RIC3: variants seen among roughly 807,000 people sequenced by gnomAD.
RIC3 encodes the protein RIC3 acetylcholine receptor chaperone, also known as protein RIC-3.
In RIC3, 28 loss-of-function variants were observed where a neutral mutation model predicts 27.3. The observed-to-expected ratio is 1.02, with a 90% CI of 0.76 to 1.41. RIC3 has a LOEUF of 1.41. Among genes scored for constraint, RIC3 ranks in the 40% most tolerant of loss-of-function variants. The pLI, the probability that RIC3 is intolerant of heterozygous loss-of-function variation, is 0.00. For missense variants in RIC3, 501 were observed against 444.7 expected (o/e 1.13, Z -1.14); for synonymous variants, 184 against 160.4 (o/e 1.15, Z -1.11).
the RIC3 span, among the ~76,000 whole-genome samples, chr11:8,099,519 G>C: frequency 1.3e-5 from 2 of 152,192 alleles, no homozygotes; most frequent in African/African-American, 4.8e-5. Flanking sequence ...TGGGGAGGCA[G>C]CCTGAGTCTT....
chr11:8,143,540 A>C (rs1015417959), intron 1 of RIC3, among the ~76,000 whole-genome samples: 9 of 151,790 alleles, frequency 5.9e-5, no homozygotes, highest in Admixed American at 1.3e-4. Flanking sequence ...GATACAAACA[A>C]ACGGAAGAAC....
chr11:8,139,148 A>C (rs947709468), intron 2 of RIC3: 3 of 152,312 alleles, frequency 2.0e-5, no homozygotes, highest in African/African-American at 7.2e-5. Context: ...AAATCTCCCT[A>C]CAGGTCATCT....
intron 5 of RIC3, among the ~76,000 whole-genome samples, chr11:8,123,930 C>G (rs1946733093): frequency 6.7e-6 from 1 of 149,856 alleles, no homozygotes; most frequent in South Asian, 2.1e-4. Flanking sequence ...AAAAATTAGC[C>G]AGGCATGGTA....
chr11:8,166,535 T>C (rs951706039), intron 1 of RIC3, among the ~76,000 whole-genome samples: 1 of 152,186 alleles, frequency 6.6e-6, no homozygotes, highest in Non-Finnish European at 1.5e-5. Flanking sequence ...GATACTGAAA[T>C]TCTGAGTACA....
chr11:8,154,778 C>A (rs1256984601), intron 1 of RIC3, among the ~76,000 whole-genome samples: 1 of 152,020 alleles, frequency 6.6e-6, no homozygotes, highest in African/African-American at 2.4e-5. Flanking sequence ...TTATTAAAAA[C>A]AGCTAAAGAG....
chr11:8,156,602 T>C (rs1443150884), intron 1 of RIC3, among the ~76,000 whole-genome samples: 2 of 152,220 alleles, frequency 1.3e-5, no homozygotes, highest in African/African-American at 2.4e-5. Context: ...ACCACTCATT[T>C]AGTCAAACTA....
downstream of RIC3, chr11:8,101,838 G>GTT: frequency 2.0e-6 from 1 of 507,036 alleles, no homozygotes; most frequent in Non-Finnish European, 3.0e-6. Context: ...GTGAAGGGAT[G>GTT]AGAATAATTC....
At chr11:8,150,627 T>C (rs922781709) in intron 1 of RIC3, among the ~76,000 whole-genome samples, 1 of 152,146 alleles carries the variant, frequency 6.6e-6, no homozygotes, top group Non-Finnish European at 1.5e-5. Flanking sequence ...GAATATTGTA[T>C]TTATGTGGAA....
intron 2 of RIC3, chr11:8,138,950 T>C (rs10769874): frequency 0.26 from 40,558 of 157,492 alleles, 5,291 homozygotes; most frequent in East Asian, 0.44. Context: ...GACACAGCAG[T>C]AAGGTGGATG....
chr11:8,100,436 T>C, the RIC3 span: 8 of 1,261,918 alleles, frequency 6.3e-6, no homozygotes, highest in African/African-American at 1.0e-4. Flanking sequence ...TTTATTCCCG[T>C]CCCCCCCACC....
chr11:8,159,805 A>C (rs748013699), intron 1 of RIC3, among the ~76,000 whole-genome samples: 1 of 152,154 alleles, frequency 6.6e-6, no homozygotes, highest in Non-Finnish European at 1.5e-5. Flanking sequence ...AGCCTGGCCA[A>C]CATGGTGAAA....
At chr11:8,097,611 G>T in the RIC3 span, 1 of 1,302,844 alleles carries the variant, frequency 7.7e-7, no homozygotes, top group Non-Finnish European at 1.1e-6. Flanking sequence ...ACATATGTGC[G>T]TTTGGGAGCT....
rs891266231 is a variant in RIC3 at position 8,108,690 on chromosome 11, T to G, written c.*2008A>C. 3 of 152,204 alleles carry G rather than the reference T, an allele frequency of 2.0e-5. No individual in the cohort carries two copies. Among genetic ancestry groups the G allele is most frequent in the Admixed American group, 2.0e-4 (3 of 15,280 alleles). 9.4% of individuals were successfully genotyped at this position (152,204 alleles called of 1,614,324 possible). ...CCTGAGCCCTCTTACAGGGTCATAG[T>G]TCATTTTATCTGTCAGGCTCTCTCT... On this transcript the variant is annotated 3_prime_UTR_variant, in exon 6 of 6. Coordinates refer to ENST00000309737, the MANE Select transcript of RIC3 (RefSeq NM_001206671.4).
rs1435423537 is a variant in RIC3 at position 8,165,778 on chromosome 11, T to G, written c.124+3088A>C. Among the ~76,000 whole-genome samples the G allele has an allele frequency of 1.0e-3, 114 of 108,652 alleles. 1 individual carries two copies. Among genetic ancestry groups the G allele is most frequent in the South Asian group, 8.4e-3 (28 of 3,328 alleles). The allele number at this position is 108,652 out of a possible 152,430, so 71.3% of individuals were successfully genotyped here. ...CCTGTTTTTTGGGGTTTTTTTTTTG[T>G]TTTGTTTTGTTTTTTTTTTTGGCAG... is the stretch of plus-strand genomic sequence containing the variant. On this transcript the variant is annotated intron_variant, in intron 1 of 5. Transcript: ENST00000309737.
the RIC3 span, chr11:8,097,624 C>G: frequency 3.0e-6 from 4 of 1,337,404 alleles, no homozygotes; most frequent in Admixed American, 1.8e-5. Context: ...TGGGAGCTGA[C>G]GCAACGGAGA....
At chr11:8,118,867 T>C (rs1325057094) in intron 5 of RIC3, among the ~76,000 whole-genome samples, 1 of 114,106 alleles carries the variant, frequency 8.8e-6, no homozygotes, top group Non-Finnish European at 2.2e-5. Context: ...TGAGACTCCA[T>C]CTCAAAAAAA....
chr11:8,119,797 C>G (rs184872579), intron 5 of RIC3, among the ~76,000 whole-genome samples: 74 of 152,264 alleles, frequency 4.9e-4, no homozygotes, highest in African/African-American at 1.7e-3. Context: ...ATCTACCCAT[C>G]TGACAAAGGG....
chr11:8,125,915 T>G (rs576896536), intron 5 of RIC3, among the ~76,000 whole-genome samples: 2 of 152,282 alleles, frequency 1.3e-5, no homozygotes, highest in South Asian at 2.1e-4. Flanking sequence ...GCCAGGCACC[T>G]GTAATCTCAG....
chr11:8,099,140 T>TA, the RIC3 span, among the ~76,000 whole-genome samples: 2 of 152,054 alleles, frequency 1.3e-5, no homozygotes, highest in Non-Finnish European at 2.9e-5. Flanking sequence ...AGGAGTCTCT[T>TA]AGACAGAAGG....
Sources: gnomAD v4.1 joint callset for allele counts (sites outside exome capture counted in the v4.1 genomes callset) on GRCh38, gnomAD v4.1.1 for gene constraint, MANE v1.5 for transcripts, NCBI Gene and HGNC (gene_info 2026-07-23, HGNC 2026-07-21) for gene names.